Variants in ANO10 observed in about 807,000 individuals in gnomAD.
The protein encoded by ANO10 is anoctamin 10, also known as anoctamin-10.
ANO10 carries 77 observed loss-of-function variants against 74.7 expected under a neutral mutation model. That is an observed-to-expected ratio of 1.03 (90% CI 0.86 to 1.25). ANO10 has a LOEUF of 1.25. Ranked by LOEUF, ANO10 falls within the 50% of genes most tolerant of loss-of-function variation. ANO10 has a pLI of 0.00. For synonymous variants in ANO10, 279 were observed against 284.9 expected (o/e 0.98, Z 0.21); for missense variants, 721 against 778.1 (o/e 0.93, Z 0.87).
At chr3:43,561,590 T>C (rs796288532) in intron 8 of ANO10, among the ~76,000 whole-genome samples, 188 bp from the exon 9 acceptor site, 11 of 152,270 alleles carry the variant, frequency 7.2e-5, no homozygotes, top group African/African-American at 2.6e-4. Flanking sequence ...AAGCTAGGTG[T>C]TAGAATGGTG....
chr3:43,579,915 G>T (rs1689620310), intron 5 of ANO10, among the ~76,000 whole-genome samples: 1 of 151,988 alleles, frequency 6.6e-6, no homozygotes, highest in Admixed American at 6.5e-5. Context: ...AACACTTTGG[G>T]AGCCCAAGGC....
intron 11 of ANO10, among the ~76,000 whole-genome samples, chr3:43,539,508 G>T (rs1185402822): frequency 1.3e-5 from 2 of 152,198 alleles, no homozygotes; most frequent in African/African-American, 4.8e-5. Context: ...AGAGGAGGGT[G>T]ACGCACCTAG....
chr3:43,526,245 C>A (rs1018919745), intron 11 of ANO10, among the ~76,000 whole-genome samples: 1 of 152,188 alleles, frequency 6.6e-6, no homozygotes, highest in Non-Finnish European at 1.5e-5. Context: ...TGTGCAGCCA[C>A]CAAATCTTTA....
intron 11 of ANO10, among the ~76,000 whole-genome samples, chr3:43,518,148 G>A (rs892147126): frequency 2.6e-5 from 4 of 152,298 alleles, no homozygotes; most frequent in South Asian, 2.1e-4. Flanking sequence ...AACCCTGAAC[G>A]GAGGGACCTG....
chr3:43,481,927 C>CTTTTTTTTT (rs1161910647), intron 11 of ANO10, among the ~76,000 whole-genome samples: 48 of 123,832 alleles, frequency 3.9e-4, no homozygotes, highest in Non-Finnish European at 6.1e-4. Context: ...CTTTTTTTTT[C>CTTTTTTTTT]TTTTTTTTTT....
intron 1 of ANO10, among the ~76,000 whole-genome samples, chr3:43,655,538 A>T (rs1019774706): frequency 6.6e-6 from 1 of 152,134 alleles, no homozygotes; most frequent in East Asian, 1.9e-4. Context: ...TTATTCTCTT[A>T]TGTGGCCCCA....
intron 11 of ANO10, among the ~76,000 whole-genome samples, chr3:43,522,956 G>T (rs146160706): frequency 5.8e-4 from 89 of 152,290 alleles, no homozygotes; most frequent in Non-Finnish European, 1.8e-4. Context: ...TAGATCATGT[G>T]CCCACGTCCA....
At chr3:43,598,498 A>G (rs1415480567) in intron 4 of ANO10, 34 bp downstream of exon 4, 2 of 1,609,024 alleles carry the variant, frequency 1.2e-6, no homozygotes, top group Non-Finnish European at 1.7e-6. Context: ...ATTTATGTCT[A>G]TTAAGAAAAA....
At chr3:43,541,523 G>A (rs1432293183) in intron 11 of ANO10, among the ~76,000 whole-genome samples, 1 of 151,544 alleles carries the variant, frequency 6.6e-6, no homozygotes, top group East Asian at 1.9e-4. Flanking sequence ...TTTACTTAAG[G>A]GTTTTCTTAG....
intron 12 of ANO10, among the ~76,000 whole-genome samples, chr3:43,416,851 T>TTGATCAA (rs2092746150): frequency 1.3e-5 from 2 of 152,186 alleles, no homozygotes; most frequent in African/African-American, 2.4e-5. Flanking sequence ...GCAAGTCCAT[T>TTGATCAA]TGATCAATGC....
At chr3:43,475,327 G>A (rs958816943) in intron 11 of ANO10, among the ~76,000 whole-genome samples, 28 of 151,858 alleles carry the variant, frequency 1.8e-4, no homozygotes, top group African/African-American at 6.0e-4. Flanking sequence ...TTCTCTCTTT[G>A]GTGTCATTCT....
At chr3:43,651,015 C>T (rs888997517) in intron 1 of ANO10, among the ~76,000 whole-genome samples, 2 of 152,236 alleles carry the variant, frequency 1.3e-5, no homozygotes, top group South Asian at 2.1e-4. Flanking sequence ...CTTGCCCTCT[C>T]GTGTGCCAGC....
At chr3:43,456,598 T>C (rs539327291) in intron 11 of ANO10, among the ~76,000 whole-genome samples, 7 of 151,850 alleles carry the variant, frequency 4.6e-5, no homozygotes, top group African/African-American at 1.7e-4. Context: ...AAACACTGAG[T>C]GAAAAAGAAT....
chr3:43,452,016 T>C (rs985435307), intron 11 of ANO10, among the ~76,000 whole-genome samples: 1 of 152,192 alleles, frequency 6.6e-6, no homozygotes, highest in Admixed American at 6.5e-5. Context: ...TAAAGTCAAA[T>C]CTACCCTCAA....
chr3:43,498,328 G>A (rs1420427270), intron 11 of ANO10, among the ~76,000 whole-genome samples: 2 of 152,152 alleles, frequency 1.3e-5, no homozygotes, highest in Non-Finnish European at 1.5e-5. Context: ...AAGATGGGTG[G>A]TACTCAGCGG....
At chr3:43,374,083 T>C (rs2091714452) in intron 12 of ANO10, among the ~76,000 whole-genome samples, 1 of 152,156 alleles carries the variant, frequency 6.6e-6, no homozygotes, top group East Asian at 1.9e-4. Context: ...GACGCACCCA[T>C]CTAGATGGTT....
intron 12 of ANO10, among the ~76,000 whole-genome samples, chr3:43,416,602 T>C (rs1236258531): frequency 2.6e-5 from 4 of 152,252 alleles, no homozygotes; most frequent in Admixed American, 2.0e-4. Context: ...TCTGGTATTC[T>C]GCTTTTTGCT....
intron 11 of ANO10, among the ~76,000 whole-genome samples, chr3:43,504,299 G>A (rs1267772868): frequency 7.2e-6 from 1 of 138,202 alleles, no homozygotes; most frequent in Non-Finnish European, 1.6e-5. Flanking sequence ...TAGGTAGGTA[G>A]GTAGATAGAT....
intron 11 of ANO10, chr3:43,485,673 G>GGCTTCT (rs2076452844): frequency 5.5e-6 from 1 of 181,534 alleles, no homozygotes; most frequent in African/African-American, 2.4e-5. Flanking sequence ...CCGCAGTGGG[G>GGCTTCT]GCTTCTCAAA....
Sources: allele counts gnomAD v4.1 joint callset (sites outside exome capture counted in the v4.1 genomes callset), GRCh38; gene constraint gnomAD v4.1.1; transcripts MANE v1.5; gene names NCBI Gene and HGNC (gene_info 2026-07-23, HGNC 2026-07-21).